The following PSMF1 variants were observed in gnomAD, a reference collection of about 807,000 sequenced individuals.
PSMF1 encodes the protein proteasome inhibitor subunit 1, also known as proteasome inhibitor PI31 subunit.
In PSMF1, 30 loss-of-function variants were observed where a neutral mutation model predicts 29.3. The ratio of observed to expected loss-of-function variants is 1.02; its 90% CI spans 0.77 to 1.39. The LOEUF (loss-of-function observed/expected upper bound fraction) is 1.39, where lower values mean the gene tolerates loss of function less well. PSMF1 is among the 40% of genes most tolerant of loss of function. PSMF1 has a pLI of 0.00. For missense variants in PSMF1, 344 were observed against 357.5 expected (o/e 0.96, Z 0.31); for synonymous variants, 134 against 139.7 (o/e 0.96, Z 0.29).
At chr20:1,127,402 C>T in intron 2 of PSMF1, 24 bp from the exon 3 acceptor site, 1 of 1,542,586 alleles carries the variant, frequency 6.5e-7, no homozygotes, top group Non-Finnish European at 9.0e-7. Context: ...CCCAGTCTCT[C>T]ACTTTCTATT....
chr20:1,156,342 G>A (rs1324452908), intron 4 of PSMF1, among the ~76,000 whole-genome samples: 1 of 152,132 alleles, frequency 6.6e-6, no homozygotes, highest in Non-Finnish European at 1.5e-5. Context: ...CAGTACAGAA[G>A]TCTTTAAAGA....
At chr20:1,149,708 C>T (rs944211749) in intron 4 of PSMF1, among the ~76,000 whole-genome samples, 2 of 152,224 alleles carry the variant, frequency 1.3e-5, no homozygotes, top group African/African-American at 4.8e-5. Context: ...TACTTTTCAT[C>T]ATGACAACAT....
intron 4 of PSMF1, among the ~76,000 whole-genome samples, chr20:1,142,999 A>G (rs1479705835): frequency 1.3e-5 from 2 of 152,226 alleles, no homozygotes; most frequent in Non-Finnish European, 2.9e-5. Context: ...AAAGAAATCA[A>G]AGAAGATCTA....
At chr20:1,117,856 C>T (rs1368951527), upstream of PSMF1, 1 of 152,080 alleles carries the variant, frequency 6.6e-6, no homozygotes, top group Non-Finnish European at 1.5e-5. Context: ...GTTGAAGTAA[C>T]GGGTGGTAAA....
chr20:1,117,067 A>G (rs1478919015), upstream of PSMF1, among the ~76,000 whole-genome samples: 2 of 152,338 alleles, frequency 1.3e-5, no homozygotes, highest in Middle Eastern at 3.4e-3. Context: ...GGAAGTGGTC[A>G]GATTCATAAT....
rs1165689102 is a variant in PSMF1, at chr20:1,166,076, ACT to A, written c.*999_*1000del. ...TTGAACCTTGTGTGGTTCTTGCCTA[ACT>A]CTGTGGTTTTTGGACCCCATGGGGC... is the stretch of plus-strand genomic sequence containing the variant. On this transcript the variant is annotated 3_prime_UTR_variant, in exon 7 of 7. Coordinates refer to ENST00000335877, the MANE Select transcript of PSMF1 (RefSeq NM_006814.5). The A allele has an allele frequency of 9.2e-6, 14 of 1,514,872 alleles. No homozygotes were observed. In the East Asian group the frequency reaches 1.7e-4, roughly 19 times the overall value. 93.8% of individuals were successfully genotyped at this position (1,514,872 alleles called of 1,614,324 possible). A position where few individuals can be genotyped will look rare whatever the true frequency, so the allele number is the denominator to read the frequency against.
In PSMF1 at chr20:1,164,667, C is replaced by G. The variant is rs77624248; in HGVS notation, c.764+191C>G. Among the ~76,000 whole-genome samples, 3,138 of 152,298 alleles carry G rather than the reference C, an allele frequency of 0.021. 57 individuals are homozygous for G. The highest frequency in any genetic ancestry group is 0.043 in the East Asian group (225 of 5,176). On this transcript the variant is annotated intron_variant, in intron 6 of 6. Coordinates refer to ENST00000335877, the MANE Select transcript of PSMF1 (RefSeq NM_006814.5). The surrounding 1 kb of genome is among the most constrained non-coding windows in gnomAD (Gnocchi z 4.1). ...AGCCTTCTAGGAGCTTCCTATCCCT[C>G]AGTGCCTCTCTTTCCCCAGCTCCAC...
chr20:1,157,004 T>C (rs2086602514), intron 4 of PSMF1, among the ~76,000 whole-genome samples: 1 of 152,168 alleles, frequency 6.6e-6, no homozygotes, highest in African/African-American at 2.4e-5. Context: ...GGTCCCACAA[T>C]AGGCTGTCGG....
chr20:1,142,819 A>G (rs1466565177), intron 4 of PSMF1, among the ~76,000 whole-genome samples: 1 of 152,178 alleles, frequency 6.6e-6, no homozygotes, highest in Non-Finnish European at 1.5e-5. Context: ...TGGTATTTCT[A>G]GTTCTAGATC....
intron 4 of PSMF1, 114 bp downstream of exon 4, chr20:1,135,420 G>A (rs1025723368): frequency 1.7e-6 from 2 of 1,149,892 alleles, no homozygotes; most frequent in Non-Finnish European, 2.4e-6. Context: ...TCAACAAAAT[G>A]ATCAGTGTCT....
chr20:1,156,291 T>C (rs1259910678), intron 4 of PSMF1, among the ~76,000 whole-genome samples: 1 of 152,058 alleles, frequency 6.6e-6, no homozygotes, highest in African/African-American at 2.4e-5. Flanking sequence ...AGGTCTAACA[T>C]TGGGGCCACT....
intron 3 of PSMF1, among the ~76,000 whole-genome samples, chr20:1,133,655 C>T (rs2086266005): frequency 6.8e-6 from 1 of 147,982 alleles, no homozygotes; most frequent in African/African-American, 2.5e-5. Context: ...AACGTATTCC[C>T]TCCTCATATA....
intron 4 of PSMF1, among the ~76,000 whole-genome samples, chr20:1,139,707 T>G (rs909475049): frequency 4.1e-5 from 6 of 147,784 alleles, no homozygotes; most frequent in Non-Finnish European, 7.4e-5. Flanking sequence ...ATTGCACCAC[T>G]GCACTCCAGC....
intron 3 of PSMF1, among the ~76,000 whole-genome samples, chr20:1,127,878 T>G (rs1468446919): frequency 6.6e-6 from 1 of 152,220 alleles, no homozygotes; most frequent in African/African-American, 2.4e-5. Context: ...AGGGTCGTTT[T>G]AGGTACAAGC....
At chr20:1,131,968 A>G (rs1009272552) in intron 3 of PSMF1, among the ~76,000 whole-genome samples, 2 of 152,276 alleles carry the variant, frequency 1.3e-5, no homozygotes, top group Middle Eastern at 3.4e-3. Context: ...TGGGCAGGCA[A>G]GCAGCTCATT....
intron 2 of PSMF1, 91 bp downstream of exon 2, chr20:1,125,741 A>T: frequency 1.4e-6 from 2 of 1,473,494 alleles, no homozygotes; most frequent in Non-Finnish European, 1.8e-6. Flanking sequence ...CCAGAGCTTC[A>T]ATGTTCATGT....
chr20:1,119,857 G>C (rs2086063737), intron 1 of PSMF1, among the ~76,000 whole-genome samples: 2 of 152,128 alleles, frequency 1.3e-5, no homozygotes, highest in African/African-American at 4.8e-5. Flanking sequence ...TCAGAACCAA[G>C]ACTAGCCATG....
Position 1,133,569 on chromosome 20 carries a change from A to ATAT in PSMF1, c.366-1551_366-1550insATT. ...TCTATATATGTGTATATATATATATATTTTTTTTTTTTTTTTGGTGTAGTC... is the reference window on the plus strand; with the variant it reads ...TCTATATATGTGTATATATATATATATATTTTTTTTTTTTTTTTTGGTGTAGTC... On this transcript the variant is annotated intron_variant, in intron 3 of 6. Coordinates refer to ENST00000335877, the MANE Select transcript of PSMF1 (RefSeq NM_006814.5). 1.2e-3 allele frequency among the ~76,000 whole-genome samples: 62 copies of ATAT among 53,306 alleles called. 2 individuals are homozygous for ATAT. Among genetic ancestry groups the ATAT allele is most frequent in the African/African-American group, 2.9e-3 (52 of 17,830 alleles). 35.0% of individuals were successfully genotyped at this position (53,306 alleles called of 152,430 possible). A position where few individuals can be genotyped will look rare whatever the true frequency, so the allele number is the denominator to read the frequency against.
At chr20:1,123,110 C>T (rs1259512191) in intron 1 of PSMF1, among the ~76,000 whole-genome samples, 3 of 151,918 alleles carry the variant, frequency 2.0e-5, no homozygotes, top group Admixed American at 6.6e-5. Context: ...TTTGTTTTTC[C>T]TCACTCTCAT....
Sources: allele counts gnomAD v4.1 joint callset (sites outside exome capture counted in the v4.1 genomes callset), GRCh38; gene constraint gnomAD v4.1.1; non-coding constraint Gnocchi (gnomAD v3.1); transcripts MANE v1.5; gene names NCBI Gene and HGNC (gene_info 2026-07-23, HGNC 2026-07-21).